Variants in KDM8 observed in about 807,000 individuals in gnomAD.
KDM8 encodes the protein bifunctional peptidase and arginyl-hydroxylase JMJD5.
KDM8 carries 35 observed loss-of-function variants against 46.9 expected under a neutral mutation model. The observed-to-expected ratio is 0.75, with a 90% CI of 0.57 to 0.99. KDM8 has a LOEUF of 0.99. Among genes scored for constraint, KDM8 ranks in the 50% least tolerant of loss-of-function variants. The pLI, the probability that KDM8 is intolerant of heterozygous loss-of-function variation, is 0.00. For synonymous variants in KDM8, 232 were observed against 227.7 expected, an observed-to-expected ratio of 1.02 and a Z score of -0.17; for missense variants, 475 against 537.0, an observed-to-expected ratio of 0.88 and a Z score of 1.14.
intron 6 of KDM8, 69 bp downstream of exon 6, chr16:27,219,179 T>A (rs2083589495): frequency 6.8e-7 from 1 of 1,462,636 alleles, no homozygotes; most frequent in Non-Finnish European, 9.2e-7. Flanking sequence ...GGCCACATTC[T>A]CTGCCTTTAA....
intron 1 of KDM8, among the ~76,000 whole-genome samples, chr16:27,204,672 A>G (rs911204389): frequency 2.0e-5 from 3 of 152,136 alleles, no homozygotes; most frequent in Admixed American, 2.0e-4. Flanking sequence ...CGGAGAGGCC[A>G]TTCCACCCAG....
chr16:27,210,471 G>A lies in KDM8; in HGVS notation c.348G>A (p.Val116=), dbSNP rs764822007. 6 of 1,588,850 alleles carry A rather than the reference G, an allele frequency of 3.8e-6. No homozygotes were observed. In the Admixed American group the frequency reaches 6.8e-5, roughly 18 times the overall value. The change falls in exon 2 of 8, where the codon GTG becomes GTA. Residue 116 remains valine (V), a synonymous_variant. Coordinates refer to ENST00000286096, the MANE Select transcript of KDM8 (RefSeq NM_024773.3). ...LCQAPEDANT[V]AAALRVCDMG... The stretch of plus-strand genomic sequence containing the variant: ...AGGCACCTGAGGATGCCAACACTGT[G>A]GCCGCAGCCCTGCGGGTCTGTGACA...
At chr16:27,208,564 C>T (rs919394409) in intron 1 of KDM8, among the ~76,000 whole-genome samples, 1 of 152,188 alleles carries the variant, frequency 6.6e-6, no homozygotes, top group Admixed American at 6.5e-5. Flanking sequence ...TAAATGGTCT[C>T]CTGGGAGGCC....
At chr16:27,220,193 C>T (rs563174447) in intron 6 of KDM8, 200 bp from the exon 7 acceptor site, 1 of 590,560 alleles carries the variant, frequency 1.7e-6, no homozygotes, top group Admixed American at 2.8e-5. Flanking sequence ...TGCACTCCAG[C>T]CTGGATGACC....
chr16:27,220,134 T>TCTCTGGAGGCCAGGAGGTC (rs2083600973), intron 6 of KDM8, among the ~76,000 whole-genome samples: 2 of 152,038 alleles, frequency 1.3e-5, no homozygotes. Context: ...GGCAGGAGGA[T>TCTCTGGAGGCCAGGAGGTC]CTCTGGAGGC....
intron 2 of KDM8, chr16:27,211,139 TGCA>T: frequency 2.4e-6 from 1 of 424,590 alleles, no homozygotes; most frequent in Non-Finnish European, 4.7e-6. Context: ...TTTTTTTTTT[TGCA>T]AAGGCAGCGC....
chr16:27,205,421 A>T (rs1006987074), intron 1 of KDM8, among the ~76,000 whole-genome samples: 1 of 152,188 alleles, frequency 6.6e-6, no homozygotes, highest in Non-Finnish European at 1.5e-5. Flanking sequence ...AAGCTGTTTT[A>T]TGCAACCCAC....
At position 27,210,209 on chromosome 16, in the gene KDM8, G is replaced by T; in HGVS notation, c.86G>T (p.Ser29Ile). The T allele has an allele frequency of 2.5e-6, 4 of 1,613,428 alleles. No individual in the cohort carries two copies. Among genetic ancestry groups the T allele is most frequent in the Non-Finnish European group, 3.4e-6 (4 of 1,180,040 alleles). Residue 29 changes from serine (S) to isoleucine (I), a missense_variant, in exon 2 of 8, where the codon AGT becomes ATT. Ser to Ile is a moderately radical substitution (Grantham distance 142). Transcript: ENST00000286096. The stretch of plus-strand genomic sequence containing the variant: ...GCCCTCAGGGCGCTCCTGCCGCACA[G>T]TAAAGAAGACCTGAAGTTGGACCTC... ...WEALRALLPHSKEDLKLDLGE... is the reference protein window; with the variant it reads ...WEALRALLPHIKEDLKLDLGE...
chr16:27,213,795 G>A lies in KDM8; in HGVS notation c.665+44G>A, dbSNP rs1406699679. 2.5e-6 allele frequency: 4 copies of A among 1,596,860 alleles called. No individual in the cohort carries two copies. In the African/African-American group the frequency reaches 4.0e-5, roughly 16 times the overall value. On this transcript the variant is annotated intron_variant, in intron 3 of 7. Coordinates refer to ENST00000286096, the MANE Select transcript of KDM8 (RefSeq NM_024773.3). ...AGGTGAGGTCCCTTTTCCCATTTTA[G>A]CGTTCCCCAGGGCTCCCTGAATTCC...
chr16:27,216,621 A>AG (rs2083557262), intron 5 of KDM8, among the ~76,000 whole-genome samples: 1 of 151,936 alleles, frequency 6.6e-6, no homozygotes, highest in African/African-American at 2.4e-5. Flanking sequence ...CAGCTGCTGT[A>AG]TCTACTGCTG....
chr16:27,219,060 G>A lies in KDM8; in HGVS notation c.943G>A (p.Gly315Arg). The A allele has an allele frequency of 1.2e-6, 2 of 1,613,856 alleles. No homozygotes were observed. The highest frequency in any genetic ancestry group is 8.5e-7 in the Non-Finnish European group (1 of 1,179,918). The change falls in exon 6 of 8, where the codon GGA becomes AGA. Residue 315 changes from glycine to arginine, a missense_variant. Physicochemically the swap from Gly to Arg is moderately radical, Grantham distance 125 (BLOSUM62 -2). Coordinates refer to ENST00000286096, the MANE Select transcript of KDM8 (RefSeq NM_024773.3). Reference protein sequence around the residue: ...ITINAWFGPQGTISPLHQDPQ... With the variant: ...ITINAWFGPQRTISPLHQDPQ... Reference sequence around the variant, plus strand: ...CATCAATGCCTGGTTTGGTCCCCAGGGAACCATCTCCCCACTACATCAGGA... The same window carrying A: ...CATCAATGCCTGGTTTGGTCCCCAGAGAACCATCTCCCCACTACATCAGGA...
intron 1 of KDM8, chr16:27,204,212 C>T: frequency 2.8e-6 from 4 of 1,447,786 alleles, no homozygotes; most frequent in Non-Finnish European, 2.7e-6. Flanking sequence ...TGTGTGACTG[C>T]CCTAAGGAAA....
At chr16:27,215,046 G>T in intron 4 of KDM8, 38 bp downstream of exon 4, 2 of 1,610,708 alleles carry the variant, frequency 1.2e-6, no homozygotes, top group Non-Finnish European at 1.7e-6. Context: ...GTACTTGCAA[G>T]GCAGAGAGCA....
chr16:27,213,498 T>G, intron 2 of KDM8, 87 bp from the exon 3 acceptor site: 1 of 1,408,554 alleles, frequency 7.1e-7, no homozygotes, highest in Non-Finnish European at 9.9e-7. Context: ...TAAGCTCTCC[T>G]ACCCCTGACA....
intron 1 of KDM8, among the ~76,000 whole-genome samples, chr16:27,206,491 C>G (rs770889176): frequency 1.3e-5 from 2 of 152,148 alleles, no homozygotes; most frequent in Non-Finnish European, 1.5e-5. Flanking sequence ...AGGCTGGTCT[C>G]GAGCTCCTGA....
Position 27,221,188 on chromosome 16 carries a change from A to G in KDM8, c.*458A>G. On this transcript the variant is annotated 3_prime_UTR_variant, in exon 8 of 8. Transcript: ENST00000286096. ...GGAAAAGAGGGCAAGGCCAGTCCTC[A>G]CTGCCGAGGGCCGAGAAGGCGGTGC... 3.3e-6 allele frequency: 1 copy of G among 304,654 alleles called. No individual in the cohort carries two copies. The highest frequency in any genetic ancestry group is 6.5e-6 in the Non-Finnish European group (1 of 153,648). The allele number at this position is 304,654 out of a possible 1,614,324, so 18.9% of individuals were successfully genotyped here.
rs1008095545 is a variant in KDM8 at position 27,221,230 on chromosome 16, C to A, written c.*500C>A. 1 of 291,266 alleles carries A rather than the reference C, an allele frequency of 3.4e-6. No individual in the cohort carries two copies. The highest frequency in any genetic ancestry group is 6.8e-6 in the Non-Finnish European group (1 of 147,156). 18.0% of individuals were successfully genotyped at this position (291,266 alleles called of 1,614,324 possible). A position where few individuals can be genotyped will look rare whatever the true frequency, so the allele number is the denominator to read the frequency against. On this transcript the variant is annotated 3_prime_UTR_variant, in exon 8 of 8. Transcript: ENST00000286096. The stretch of plus-strand genomic sequence containing the variant: ...AGGCGGTGCCGAGCCCCTGCTGCTG[C>A]ATGAACCTTAGCCGCTGTCACTGAT...
rs775422965 is a variant in KDM8 at position 27,210,264 on chromosome 16, A to G, written c.141A>G (p.Thr47=). The G allele has an allele frequency of 3.4e-5, 55 of 1,613,092 alleles. 1 individual carries two copies. The Admixed American group carries it at 9.2e-4, about 27-fold the overall frequency. ...LGEKVERSVV[T]LLQRATELFY... ...AGAAAGTGGAGAGGAGCGTGGTGAC[A>G]TTGTTGCAGCGAGCCACTGAGCTCT... Residue 47 remains threonine, a synonymous_variant, in exon 2 of 8, where the codon ACA becomes ACG. Coordinates refer to ENST00000286096, the MANE Select transcript of KDM8 (RefSeq NM_024773.3).
At chr16:27,203,819 T>G (rs2083398917) in intron 1 of KDM8, 183 bp downstream of exon 1, 1 of 406,408 alleles carries the variant, frequency 2.5e-6, no homozygotes, top group African/African-American at 2.1e-5. Context: ...GCAATTTAGC[T>G]CGTCGCCGGC....
Sources: gnomAD v4.1 joint callset for allele counts (sites outside exome capture counted in the v4.1 genomes callset) on GRCh38, gnomAD v4.1.1 for gene constraint, MANE v1.5 for transcripts, NCBI Gene and HGNC (gene_info 2026-07-23, HGNC 2026-07-21) for gene names.